The following DENND2A variants were observed in gnomAD, a reference collection of about 807,000 sequenced individuals.
DENND2A encodes DENN domain-containing protein 2A.
In DENND2A, 53 loss-of-function variants were observed where a neutral mutation model predicts 105.3. The ratio of observed to expected loss-of-function variants is 0.50; its 90% CI spans 0.40 to 0.63. The LOEUF (loss-of-function observed/expected upper bound fraction) is 0.63. DENND2A is among the 30% of genes least tolerant of loss of function. The pLI is 0.00. For missense variants in DENND2A, 1,138 were observed against 1,279.6 expected (o/e 0.89, Z 1.69); for synonymous variants, 522 against 508.4 (o/e 1.03, Z -0.36).
At chr7:140,547,134 C>T (rs1439108914) in intron 12 of DENND2A, among the ~76,000 whole-genome samples, 195 bp from the exon 13 acceptor site, 1 of 152,152 alleles carries the variant, frequency 6.6e-6, no homozygotes, top group Non-Finnish European at 1.5e-5. Flanking sequence ...GTGTCCACAC[C>T]CTTTGCCATG....
chr7:140,617,307 A>G (rs553052976), intron 1 of DENND2A, among the ~76,000 whole-genome samples: 5 of 152,298 alleles, frequency 3.3e-5, no homozygotes, highest in East Asian at 1.9e-4. Flanking sequence ...TCTTCCCTCC[A>G]TGGCCTTCAA....
chr7:140,572,295 C>A lies in DENND2A; in HGVS notation c.1446+1513G>T, dbSNP rs189008749. On this transcript the variant is annotated intron_variant, in intron 6 of 19. Transcript: ENST00000496613. ...GTGCTGGGATTACAGGTGTGAGCCA[C>A]TGTGCCCAGCCTCCCTGGACTTTCT... is the stretch of plus-strand genomic sequence containing the variant. Among the ~76,000 whole-genome samples the A allele has an allele frequency of 3.3e-5, 5 of 152,166 alleles. No homozygotes were observed. The East Asian group carries it at 9.7e-4, about 30-fold the overall frequency.
chr7:140,524,519 C>T (rs1288958355), intron 16 of DENND2A, among the ~76,000 whole-genome samples: 3 of 152,056 alleles, frequency 2.0e-5, no homozygotes, highest in Admixed American at 1.3e-4. Context: ...TTAAAGTGCA[C>T]GTGCGTGCGC....
chr7:140,519,857 G>C (rs922262526), intron 18 of DENND2A, 139 bp from the exon 19 acceptor site: 1 of 728,990 alleles, frequency 1.4e-6, no homozygotes, highest in Non-Finnish European at 2.3e-6. Flanking sequence ...TGAATCAGGA[G>C]GTTTTATAAG....
At chr7:140,545,134 AACG>A (rs1268049795) in intron 13 of DENND2A, among the ~76,000 whole-genome samples, 1 of 152,052 alleles carries the variant, frequency 6.6e-6, no homozygotes, top group Non-Finnish European at 1.5e-5. Context: ...GACTTTTGAA[AACG>A]GTTCTGTCCC....
In DENND2A at chr7:140,599,153, A is replaced by G. The variant is rs269242; in HGVS notation, c.995+2250T>C. ...GGGGTTCGAGACCAGCCTGGCCAAC[A>G]TGGTGAAACCCTGTCTCTACTAAAA... On this transcript the variant is annotated intron_variant, in intron 3 of 19. Coordinates refer to ENST00000496613, the MANE Select transcript of DENND2A (RefSeq NM_015689.5). Among the ~76,000 whole-genome samples, 725 of 152,262 alleles carry G rather than the reference A, an allele frequency of 4.8e-3. 3 individuals carry two copies. Among genetic ancestry groups the G allele is most frequent in the African/African-American group, 0.015 (613 of 41,548 alleles).
At chr7:140,626,537 C>T (rs1274388437) in intron 1 of DENND2A, among the ~76,000 whole-genome samples, 4 of 152,188 alleles carry the variant, frequency 2.6e-5, no homozygotes, top group Non-Finnish European at 4.4e-5. Flanking sequence ...ATGGAATGCA[C>T]CCGTAGGTCA....
At chr7:140,556,648 T>TA (rs1294599940) in intron 11 of DENND2A, among the ~76,000 whole-genome samples, 16 of 152,248 alleles carry the variant, frequency 1.1e-4, no homozygotes, top group African/African-American at 3.9e-4. Context: ...TCAGTCTCAA[T>TA]ACTTTAACCC....
At position 140,527,396 on chromosome 7, in the gene DENND2A, G is replaced by A. The variant is rs1257774081; in HGVS notation, c.2427C>T (p.Ile809=). The A allele has an allele frequency of 5.0e-6, 8 of 1,609,604 alleles. No individual in the cohort carries two copies. In the Admixed American group the frequency reaches 5.1e-5, roughly 10 times the overall value. The change falls in exon 15 of 20, where the codon ATC becomes ATT. Residue 809 remains isoleucine (I), a synonymous_variant. Coordinates refer to ENST00000496613, the MANE Select transcript of DENND2A (RefSeq NM_015689.5). This position sits in a 1 kb window ranked among gnomAD's most constrained non-coding sequence, Gnocchi z 4.9. ...IPVLPPAMVD[I]VCSPTPFLIG... is the part of the protein sequence containing the mutation. The stretch of plus-strand genomic sequence containing the variant: ...TGAGGAAGGGCGTCGGCGAGCACAC[G>A]ATGTCGACCATGGCGGGTGGCAGCA...
At chr7:140,584,308 C>T (rs1315825669) in intron 5 of DENND2A, among the ~76,000 whole-genome samples, 5 of 152,196 alleles carry the variant, frequency 3.3e-5, no homozygotes, top group Admixed American at 1.3e-4. Context: ...CATTTATTTA[C>T]GCATTGTCTA....
intron 18 of DENND2A, among the ~76,000 whole-genome samples, chr7:140,521,078 G>A (rs1397821552): frequency 3.3e-5 from 5 of 151,530 alleles, no homozygotes; most frequent in Admixed American, 2.0e-4. Context: ...GTTTCACCAC[G>A]TTGGCCAGGT....
intron 9 of DENND2A, among the ~76,000 whole-genome samples, chr7:140,560,979 T>A (rs1797590019): frequency 1.3e-5 from 2 of 152,130 alleles, no homozygotes; most frequent in Admixed American, 1.3e-4. Flanking sequence ...TTAGAGATGA[T>A]ACTAAAGTCG....
At chr7:140,535,508 C>T (rs558297125) in intron 14 of DENND2A, among the ~76,000 whole-genome samples, 1 of 152,292 alleles carries the variant, frequency 6.6e-6, no homozygotes, top group South Asian at 2.1e-4. Flanking sequence ...AGATTCTCAC[C>T]TGTGAAATAA....
In DENND2A at chr7:140,546,891, G is replaced by C; in HGVS notation, c.2086C>G (p.Gln696Glu). Residue 696 changes from glutamine to glutamate, a missense_variant, in exon 13 of 20, where the codon CAG becomes GAG. Physicochemically the swap from Gln to Glu is conservative, Grantham distance 29. Transcript: ENST00000496613. ...TCCATGACACTTCTCATGAGTGGCT[G>C]AACCAGGGCAGGAGAGATGCCTCGT... ...KRRGISPALV[Q>E]PLMRSVMEAP... 1 of 1,614,152 alleles carries C rather than the reference G, an allele frequency of 6.2e-7. No homozygotes were observed. The highest frequency in any genetic ancestry group is 8.5e-7 in the Non-Finnish European group (1 of 1,180,004).
At chr7:140,610,818 AGGAGC>A (rs959947528) in intron 1 of DENND2A, among the ~76,000 whole-genome samples, 7 of 152,140 alleles carry the variant, frequency 4.6e-5, no homozygotes, top group African/African-American at 1.7e-4. Context: ...CTGAGGGGAG[AGGAGC>A]GGAGCCCTCA....
chr7:140,595,309 GTGAA>G (rs1563166482), intron 3 of DENND2A, among the ~76,000 whole-genome samples: 1 of 151,838 alleles, frequency 6.6e-6, no homozygotes, highest in Non-Finnish European at 1.5e-5. Flanking sequence ...GCCTGGCCCC[GTGAA>G]TGAATATTTT....
At chr7:140,522,637 CT>C (rs1256621016) in intron 17 of DENND2A, among the ~76,000 whole-genome samples, 1 of 150,076 alleles carries the variant, frequency 6.7e-6, no homozygotes, top group Non-Finnish European at 1.5e-5. Context: ...GAGATAGAGT[CT>C]TGCTCTGTCT....
At chr7:140,626,028 A>C (rs981450566) in intron 1 of DENND2A, among the ~76,000 whole-genome samples, 1 of 152,158 alleles carries the variant, frequency 6.6e-6, no homozygotes, top group East Asian at 1.9e-4. Flanking sequence ...TCCCCTTCTC[A>C]GATGTGGACA....
chr7:140,616,748 G>T (rs1174242839), intron 1 of DENND2A, among the ~76,000 whole-genome samples: 1 of 152,188 alleles, frequency 6.6e-6, no homozygotes, highest in Non-Finnish European at 1.5e-5. Context: ...GAGTTCACAG[G>T]CATAGTAATA....
Sources: allele counts gnomAD v4.1 joint callset (sites outside exome capture counted in the v4.1 genomes callset), GRCh38; gene constraint gnomAD v4.1.1; non-coding constraint Gnocchi (gnomAD v3.1); transcripts MANE v1.5; gene names NCBI Gene and HGNC (gene_info 2026-07-23, HGNC 2026-07-21).